Variants in SH3RF3 observed in about 807,000 individuals in gnomAD.
SH3RF3 encodes the protein E3 ubiquitin-protein ligase SH3RF3.
In SH3RF3, 29 loss-of-function variants were observed where a neutral mutation model predicts 66.3. That is an observed-to-expected ratio of 0.44 (90% CI 0.33 to 0.60). The LOEUF is 0.60. SH3RF3 is among the 20% of genes least tolerant of loss of function. SH3RF3 has a pLI of 0.04. For missense variants in SH3RF3, 1,194 were observed against 1,190.9 expected, an observed-to-expected ratio of 1.00 and a Z score of -0.04; for synonymous variants, 583 against 532.0, an observed-to-expected ratio of 1.10 and a Z score of -1.32.
intron 1 of SH3RF3, among the ~76,000 whole-genome samples, chr2:109,219,662 C>T (rs150172084): frequency 1.4e-3 from 220 of 151,878 alleles, no homozygotes; most frequent in South Asian, 6.7e-3. Flanking sequence ...TTGAACAATC[C>T]GAAAAGGAAA....
intron 2 of SH3RF3, among the ~76,000 whole-genome samples, chr2:109,354,760 G>C (rs1682912682): frequency 6.6e-6 from 1 of 152,246 alleles, no homozygotes; most frequent in South Asian, 2.1e-4. Flanking sequence ...TCTTCACAAA[G>C]GCGCATCTGT....
intron 8 of SH3RF3, among the ~76,000 whole-genome samples, chr2:109,480,815 A>T (rs1678816128): frequency 6.6e-6 from 1 of 152,112 alleles, no homozygotes; most frequent in Non-Finnish European, 1.5e-5. Flanking sequence ...GGCTCTCTCT[A>T]GCTGGGACCT....
intron 1 of SH3RF3, among the ~76,000 whole-genome samples, chr2:109,144,309 T>A (rs1360441592): frequency 1.3e-5 from 2 of 152,228 alleles, no homozygotes; most frequent in Non-Finnish European, 2.9e-5. Flanking sequence ...TTTTTATTTG[T>A]CTGTTATACC....
chr2:109,442,462 A>G (rs575989612), intron 7 of SH3RF3, among the ~76,000 whole-genome samples: 2 of 152,298 alleles, frequency 1.3e-5, no homozygotes, highest in African/African-American at 4.8e-5. Flanking sequence ...AATATATAAG[A>G]TGTTTTCTTA....
At chr2:109,265,311 G>A (rs969272033) in intron 1 of SH3RF3, among the ~76,000 whole-genome samples, 1 of 152,172 alleles carries the variant, frequency 6.6e-6, no homozygotes, top group Admixed American at 6.5e-5. Flanking sequence ...CTGGAGATGG[G>A]TGAGATGCGG....
At chr2:109,474,250 G>C (rs914888814) in intron 8 of SH3RF3, among the ~76,000 whole-genome samples, 11 of 152,186 alleles carry the variant, frequency 7.2e-5, no homozygotes, top group African/African-American at 2.4e-4. Context: ...TTTGTCTGCA[G>C]CAGTCCTTTT....
At chr2:109,442,103 A>T (rs1357075715) in intron 7 of SH3RF3, among the ~76,000 whole-genome samples, 3 of 151,954 alleles carry the variant, frequency 2.0e-5, no homozygotes, top group African/African-American at 7.3e-5. Context: ...CGAGGTCAGG[A>T]GATTGAGACC....
chr2:109,331,702 C>A (rs1682290166), intron 1 of SH3RF3, among the ~76,000 whole-genome samples: 1 of 151,240 alleles, frequency 6.6e-6, no homozygotes, highest in Non-Finnish European at 1.5e-5. Flanking sequence ...TTTCTATTTT[C>A]TTTATCTATT....
At chr2:109,131,823 C>T (rs1676703357) in intron 1 of SH3RF3, among the ~76,000 whole-genome samples, 1 of 152,156 alleles carries the variant, frequency 6.6e-6, no homozygotes, top group Non-Finnish European at 1.5e-5. Context: ...ATGTTCATGA[C>T]TTTTTGTGTT....
intron 1 of SH3RF3, among the ~76,000 whole-genome samples, chr2:109,160,084 A>T (rs1350361545): frequency 2.0e-5 from 3 of 152,204 alleles, no homozygotes; most frequent in Admixed American, 6.5e-5. Flanking sequence ...AAGGTTGGAG[A>T]CTGCTGATTT....
intron 3 of SH3RF3, among the ~76,000 whole-genome samples, chr2:109,377,826 C>CT (rs1393407662): frequency 6.6e-6 from 1 of 152,182 alleles, no homozygotes; most frequent in African/African-American, 2.4e-5. Context: ...CTCCTTGTCA[C>CT]TTTATCTTTT....
chr2:109,201,212 T>G (rs1678665958), intron 1 of SH3RF3, among the ~76,000 whole-genome samples: 1 of 152,240 alleles, frequency 6.6e-6, no homozygotes, highest in African/African-American at 2.4e-5. Context: ...GATGCTTTAG[T>G]TTTGCCTCTT....
At chr2:109,256,447 C>T (rs1326245823) in intron 1 of SH3RF3, among the ~76,000 whole-genome samples, 2 of 151,844 alleles carry the variant, frequency 1.3e-5, no homozygotes, top group Non-Finnish European at 2.9e-5. Context: ...TTGACTGAAA[C>T]AGGGAGACGA....
chr2:109,176,923 G>C (rs1009817044), intron 1 of SH3RF3, among the ~76,000 whole-genome samples: 1 of 152,186 alleles, frequency 6.6e-6, no homozygotes, highest in Non-Finnish European at 1.5e-5. Context: ...GGTGAGACTG[G>C]TGGAAAGGAG....
chr2:109,152,215 T>C (rs1442765804), intron 1 of SH3RF3, among the ~76,000 whole-genome samples: 1 of 152,226 alleles, frequency 6.6e-6, no homozygotes, highest in African/African-American at 2.4e-5. Context: ...AACTGTCACC[T>C]GTCAGGTGGT....
intron 1 of SH3RF3, among the ~76,000 whole-genome samples, chr2:109,181,060 A>G (rs1678061807): frequency 6.6e-6 from 1 of 152,194 alleles, no homozygotes; most frequent in African/African-American, 2.4e-5. Context: ...CTGTGCACAC[A>G]CAGTACTCAC....
At position 109,223,699 on chromosome 2, in the gene SH3RF3, C is replaced by T. The variant is rs546633902; in HGVS notation, c.573+93586C>T. Reference sequence around the variant, plus strand: ...TTCTGCCCCCCACGTGATGCTGCCCCAACGTGGAGATCCGGGATGTGTCGT... The same window carrying T: ...TTCTGCCCCCCACGTGATGCTGCCCTAACGTGGAGATCCGGGATGTGTCGT... On this transcript the variant is annotated intron_variant, in intron 1 of 9. Coordinates refer to ENST00000309415, the MANE Select transcript of SH3RF3 (RefSeq NM_001099289.3). Among the ~76,000 whole-genome samples, 85 of 152,266 alleles carry T rather than the reference C, an allele frequency of 5.6e-4. 1 individual carries two copies. The highest frequency in any genetic ancestry group is 1.8e-3 in the African/African-American group (74 of 41,568).
At chr2:109,170,911 C>G (rs993722306) in intron 1 of SH3RF3, among the ~76,000 whole-genome samples, 8 of 152,192 alleles carry the variant, frequency 5.3e-5, no homozygotes, top group Admixed American at 2.6e-4. Flanking sequence ...TAAATCACCT[C>G]ACTAAGCAGC....
At chr2:109,290,888 C>A (rs1384472876) in intron 1 of SH3RF3, among the ~76,000 whole-genome samples, 3 of 152,242 alleles carry the variant, frequency 2.0e-5, no homozygotes, top group African/African-American at 7.2e-5. Context: ...TGTATATATT[C>A]TCTTCCTGTT....
Sources: allele counts gnomAD v4.1 joint callset (sites outside exome capture counted in the v4.1 genomes callset), GRCh38; gene constraint gnomAD v4.1.1; transcripts MANE v1.5; gene names NCBI Gene and HGNC (gene_info 2026-07-23, HGNC 2026-07-21).